TNRC6B: variants seen among roughly 807,000 people sequenced by gnomAD.
TNRC6B encodes the protein trinucleotide repeat containing adaptor 6B.
TNRC6B carries 52 observed loss-of-function variants against 203.6 expected under a neutral mutation model. The observed-to-expected ratio is 0.26, with a 90% CI of 0.20 to 0.32. TNRC6B has a LOEUF of 0.32. TNRC6B is among the 10% of genes least tolerant of loss of function. TNRC6B has a pLI of 1.00. For missense variants in TNRC6B, 1,923 were observed against 2,286.2 expected, an observed-to-expected ratio of 0.84 and a Z score of 3.24; for synonymous variants, 838 against 845.7, an observed-to-expected ratio of 0.99 and a Z score of 0.16.
At chr22:40,194,334 G>A (rs1342114608) in intron 1 of TNRC6B, among the ~76,000 whole-genome samples, 1 of 151,788 alleles carries the variant, frequency 6.6e-6, no homozygotes, top group Non-Finnish European at 1.5e-5. Context: ...CGGAGAGACT[G>A]TGTTGCCCGA....
chr22:40,054,550 A>G (rs958221583), intron 1 of TNRC6B, among the ~76,000 whole-genome samples: 6 of 152,148 alleles, frequency 3.9e-5, no homozygotes, highest in Non-Finnish European at 7.3e-5. Context: ...ACATTAGAAG[A>G]TATCAATTGT....
Position 40,326,051 on chromosome 22 carries a change from G to A in TNRC6B, c.*2810G>A, listed in dbSNP as rs979351954. On this transcript the variant is annotated 3_prime_UTR_variant, in exon 23 of 23. Transcript: ENST00000454349. ...TTAAAAAAAAAAGACCAAAAAGTGC[G>A]TATATATATACATATAAATATATAT... 3.9e-5 allele frequency: 6 copies of A among 152,118 alleles called. No homozygotes were observed. Among genetic ancestry groups the A allele is most frequent in the Admixed American group, 1.3e-4 (2 of 15,254 alleles). The allele number at this position is 152,118 out of a possible 1,614,324, so 9.4% of individuals were successfully genotyped here. A position where few individuals can be genotyped will look rare whatever the true frequency, so the allele number is the denominator to read the frequency against.
chr22:40,184,797 G>A lies in TNRC6B; in HGVS notation c.5+6657G>A, dbSNP rs187560599. ...AATGTAAAATAACACCTGTGTCTCT[G>A]CCTGGCTTCTTGTGGGAATGGTGCC... is the stretch of plus-strand genomic sequence containing the variant. On this transcript the variant is annotated intron_variant, in intron 1 of 22. Coordinates refer to ENST00000454349, the MANE Select transcript of TNRC6B (RefSeq NM_001162501.2). 4.6e-5 allele frequency among the ~76,000 whole-genome samples: 7 copies of A among 152,262 alleles called. No individual in the cohort carries two copies. In the East Asian group the frequency reaches 1.4e-3, roughly 29 times the overall value.
intron 1 of TNRC6B, among the ~76,000 whole-genome samples, chr22:40,058,051 T>C (rs2067815714): frequency 6.6e-6 from 1 of 152,258 alleles, no homozygotes; most frequent in African/African-American, 2.4e-5. Flanking sequence ...AAATTTACAG[T>C]GTTTTATCTT....
At chr22:40,052,444 A>ATTTTTTTTTT (rs908013463) in intron 1 of TNRC6B, among the ~76,000 whole-genome samples, 3 of 51,858 alleles carry the variant, frequency 5.8e-5, no homozygotes, top group Non-Finnish European at 1.0e-4. Context: ...TGTGTATTGT[A>ATTTTTTTTTT]TTTTTTTTTT....
At chr22:40,083,367 A>G (rs1489365825) in intron 1 of TNRC6B, among the ~76,000 whole-genome samples, 1 of 152,210 alleles carries the variant, frequency 6.6e-6, no homozygotes. Context: ...TACATGAACT[A>G]TTCATTGGAT....
chr22:40,148,067 A>G (rs1267612267), intron 3 of TNRC6B, among the ~76,000 whole-genome samples: 2 of 152,180 alleles, frequency 1.3e-5, no homozygotes, highest in Non-Finnish European at 2.9e-5. Flanking sequence ...GATTTTTTAA[A>G]TGGCCAAAAG....
intron 3 of TNRC6B, among the ~76,000 whole-genome samples, chr22:40,257,819 T>C (rs538448937): frequency 1.1e-4 from 17 of 152,134 alleles, no homozygotes; most frequent in Non-Finnish European, 2.1e-4. Context: ...AGTCAGGAGT[T>C]CGAGACTAGC....
intron 1 of TNRC6B, among the ~76,000 whole-genome samples, chr22:40,078,432 G>C (rs1260035325): frequency 6.6e-6 from 1 of 152,122 alleles, no homozygotes; most frequent in East Asian, 1.9e-4. Context: ...GCTGAGGCAG[G>C]AGGATCACTT....
intron 1 of TNRC6B, among the ~76,000 whole-genome samples, chr22:40,060,061 T>A (rs1186807811): frequency 6.6e-6 from 1 of 151,522 alleles, no homozygotes; most frequent in African/African-American, 2.4e-5. Flanking sequence ...ACTCCTGGCC[T>A]CGTGTGATCC....
chr22:40,078,655 C>T (rs1207366974), intron 1 of TNRC6B, among the ~76,000 whole-genome samples: 1 of 151,864 alleles, frequency 6.6e-6, no homozygotes, highest in Admixed American at 6.6e-5. Flanking sequence ...TAAGGTGGCA[C>T]GATCTCAGCT....
intron 1 of TNRC6B, among the ~76,000 whole-genome samples, chr22:40,089,789 A>G (rs1412771245): frequency 6.6e-6 from 1 of 152,170 alleles, no homozygotes; most frequent in Non-Finnish European, 1.5e-5. Context: ...GCATGTATCC[A>G]TCATAGAATC....
chr22:40,170,814 TATATGTGTGTGTATATACATATATGTAC>T (rs2068981418), intron 4 of TNRC6B, among the ~76,000 whole-genome samples: 4 of 62,694 alleles, frequency 6.4e-5, no homozygotes, highest in Non-Finnish European at 1.1e-4. Context: ...TATATGTACA[TATATGTGTGTGTATATACATATATGTAC>T]ATATATGTGT....
At chr22:40,297,704 C>A (rs1044600623) in intron 12 of TNRC6B, among the ~76,000 whole-genome samples, 8 of 151,834 alleles carry the variant, frequency 5.3e-5, no homozygotes, top group Non-Finnish European at 1.2e-4. Context: ...TGCCTGTAGT[C>A]CCAGCTACTC....
In TNRC6B at chr22:40,143,751, C is replaced by T. The variant is rs925965381; in HGVS notation, c.46-12364C>T. 6.6e-5 allele frequency among the ~76,000 whole-genome samples: 10 copies of T among 152,216 alleles called. 1 individual carries two copies. The highest frequency in any genetic ancestry group is 1.3e-4 in the Non-Finnish European group (9 of 68,044). On this transcript the variant is annotated intron_variant, in intron 3 of 23. Transcript: ENST00000301923. ...GACCTCGTGATCCGCCCGCCTTGGC[C>T]ACCCAAAGTGTTGGGATTACAGGCG...
Position 40,277,148 on chromosome 22 carries a change from G to C in TNRC6B, c.3213G>C (p.Leu1071Phe). The C allele has an allele frequency of 1.2e-6, 2 of 1,605,272 alleles. No individual in the cohort carries two copies. Among genetic ancestry groups the C allele is most frequent in the Non-Finnish European group, 1.7e-6 (2 of 1,176,892 alleles). The change falls in exon 8 of 23, where the codon TTG becomes TTC. Residue 1071 changes from leucine to phenylalanine, a missense_variant. By Grantham distance (22) the Leu-to-Phe change is conservative (BLOSUM62 0). Coordinates refer to ENST00000454349, the MANE Select transcript of TNRC6B (RefSeq NM_001162501.2). ...CCAAACAGTTTTCAAATATGGGATT[G>C]CTGGTAAGTTTTATTTTTTTCAAAT... is the stretch of plus-strand genomic sequence containing the variant. ...PLAKQFSNMG[L>F]LSQTEDNPSS...
chr22:40,207,711 A>G (rs2146416351), intron 1 of TNRC6B, among the ~76,000 whole-genome samples: 1 of 152,208 alleles, frequency 6.6e-6, no homozygotes, highest in South Asian at 2.1e-4. Flanking sequence ...CAAATGGCCA[A>G]TAAATGTGGA....
chr22:40,122,253 G>C (rs2068453211), intron 2 of TNRC6B, among the ~76,000 whole-genome samples: 1 of 152,116 alleles, frequency 6.6e-6, no homozygotes. Flanking sequence ...TTTAAAAGGA[G>C]GGCATTTGGG....
At chr22:40,089,512 C>T (rs1223151068) in intron 1 of TNRC6B, among the ~76,000 whole-genome samples, 4 of 152,086 alleles carry the variant, frequency 2.6e-5, no homozygotes, top group Admixed American at 1.3e-4. Context: ...GGATTACAGG[C>T]GTGAGCCACT....
Sources: allele counts gnomAD v4.1 joint callset (sites outside exome capture counted in the v4.1 genomes callset), GRCh38; gene constraint gnomAD v4.1.1; transcripts MANE v1.5; gene names NCBI Gene and HGNC (gene_info 2026-07-23, HGNC 2026-07-21).